The following FAM210A variants were observed in gnomAD, a reference collection of about 807,000 sequenced individuals.
FAM210A encodes the protein mitochondrial inner membrane scaffold 1.
Under a neutral mutation model 25.3 loss-of-function variants are expected in FAM210A, and 13 were observed. The ratio of observed to expected loss-of-function variants is 0.51; its 90% CI spans 0.33 to 0.82. The LOEUF (loss-of-function observed/expected upper bound fraction) is 0.82. Among genes scored for constraint, FAM210A ranks in the 40% least tolerant of loss-of-function variants. FAM210A has a pLI of 0.02. For missense variants in FAM210A, 319 were observed against 323.2 expected (o/e 0.99, Z 0.10); for synonymous variants, 125 against 118.7 (o/e 1.05, Z -0.35).
intron 1 of FAM210A, among the ~76,000 whole-genome samples, chr18:13,697,106 T>C (rs1443888661): frequency 2.0e-5 from 3 of 152,256 alleles, no homozygotes; most frequent in Non-Finnish European, 2.9e-5. Flanking sequence ...CAATAGGCTG[T>C]ACCATCTAGG....
At chr18:13,724,646 C>A (rs2043919583) in intron 1 of FAM210A, among the ~76,000 whole-genome samples, 1 of 152,208 alleles carries the variant, frequency 6.6e-6, no homozygotes, top group Non-Finnish European at 1.5e-5. Context: ...CCCCTCTATT[C>A]TCAAATGAAT....
chr18:13,699,246 C>T (rs1242333234), intron 1 of FAM210A, among the ~76,000 whole-genome samples: 1 of 152,192 alleles, frequency 6.6e-6, no homozygotes, highest in Non-Finnish European at 1.5e-5. Context: ...ACTGATGGCT[C>T]CAATTTAATT....
chr18:13,691,560 A>G (rs1425900244), intron 1 of FAM210A, among the ~76,000 whole-genome samples: 2 of 152,204 alleles, frequency 1.3e-5, no homozygotes, highest in African/African-American at 2.4e-5. Flanking sequence ...CTGATCTCTC[A>G]GCAGAAACTC....
chr18:13,666,312 A>AT lies in FAM210A; in HGVS notation c.*167dup, dbSNP rs2149049614. 8.2e-6 allele frequency: 5 copies of AT among 612,270 alleles called. No homozygotes were observed. The highest frequency in any genetic ancestry group is 2.1e-5 in the South Asian group (1 of 47,834). The allele number at this position is 612,270 out of a possible 1,614,324, so 37.9% of individuals were successfully genotyped here. A position where few individuals can be genotyped will look rare whatever the true frequency, so the allele number is the denominator to read the frequency against. On this transcript the variant is annotated 3_prime_UTR_variant, in exon 4 of 4. Coordinates refer to ENST00000651643, the MANE Select transcript of FAM210A (RefSeq NM_152352.4). ...CATTTCTTCCCTTGTAATAACACTG[A>AT]TTTTTCTAGTGATATTTAACTTTAA...
chr18:13,666,849 G>A, intron 3 of FAM210A, 136 bp from the exon 4 acceptor site: 3 of 708,830 alleles, frequency 4.2e-6, no homozygotes, highest in African/African-American at 3.6e-5. Flanking sequence ...AGCTAATGTA[G>A]TAATATCCTA....
At chr18:13,700,114 C>T (rs1270454750) in intron 1 of FAM210A, among the ~76,000 whole-genome samples, 1 of 152,184 alleles carries the variant, frequency 6.6e-6, no homozygotes, top group East Asian at 1.9e-4. Context: ...ATCCACAGAT[C>T]AAGGGCTCAG....
At chr18:13,701,217 G>A (rs1002497594) in intron 1 of FAM210A, among the ~76,000 whole-genome samples, 6 of 152,280 alleles carry the variant, frequency 3.9e-5, no homozygotes, top group African/African-American at 7.2e-5. Context: ...GGGGATCATG[G>A]TAAGTTCTCT....
chr18:13,708,969 C>A (rs1476168438), intron 1 of FAM210A, among the ~76,000 whole-genome samples: 2 of 152,228 alleles, frequency 1.3e-5, no homozygotes, highest in African/African-American at 4.8e-5. Flanking sequence ...ACAGCCACAT[C>A]TCAATAACTA....
At chr18:13,667,634 G>C (rs143345488) in intron 3 of FAM210A, among the ~76,000 whole-genome samples, 10 of 152,136 alleles carry the variant, frequency 6.6e-5, no homozygotes, top group Admixed American at 6.5e-4. Flanking sequence ...CAGGAGAATC[G>C]CTTGAACCCG....
At chr18:13,671,477 A>C (rs904766685) in intron 3 of FAM210A, among the ~76,000 whole-genome samples, 1 of 152,146 alleles carries the variant, frequency 6.6e-6, no homozygotes, top group African/African-American at 2.4e-5. Flanking sequence ...CAATTATTTG[A>C]CCACAGGAAG....
At chr18:13,714,855 T>G (rs2149069958) in intron 1 of FAM210A, among the ~76,000 whole-genome samples, 1 of 152,314 alleles carries the variant, frequency 6.6e-6, no homozygotes, top group South Asian at 2.1e-4. Flanking sequence ...TTGATTTGGT[T>G]ATTCTCTTAC....
At position 13,664,242 on chromosome 18, in the gene FAM210A, T is replaced by C. The variant is rs529341117; in HGVS notation, c.*2238A>G. On this transcript the variant is annotated 3_prime_UTR_variant, in exon 4 of 4. Transcript: ENST00000651643. ...GACTAACACAACATGATCATGAAAC[T>C]GGATGGCAACAAAACTCAAATGGAC... is the stretch of plus-strand genomic sequence containing the variant. The C allele has an allele frequency of 1.4e-4, 21 of 152,344 alleles. No individual in the cohort carries two copies. The highest frequency in any genetic ancestry group is 4.6e-4 in the African/African-American group (19 of 41,580). 9.4% of individuals were successfully genotyped at this position (152,344 alleles called of 1,614,324 possible). A position where few individuals can be genotyped will look rare whatever the true frequency, so the allele number is the denominator to read the frequency against.
intron 3 of FAM210A, among the ~76,000 whole-genome samples, chr18:13,668,204 A>G (rs2043416156): frequency 6.6e-6 from 1 of 152,242 alleles, no homozygotes; most frequent in Non-Finnish European, 1.5e-5. Context: ...TCAAAGTCAC[A>G]GTGACCTCTA....
chr18:13,683,341 T>A (rs116612491), intron 1 of FAM210A, among the ~76,000 whole-genome samples: 2,620 of 152,212 alleles, frequency 0.017, 74 homozygotes, highest in African/African-American at 0.059. Flanking sequence ...CCCATATCAA[T>A]GGTGGAGAGA....
intron 1 of FAM210A, among the ~76,000 whole-genome samples, chr18:13,689,422 CA>C (rs2043624164): frequency 6.6e-6 from 1 of 152,154 alleles, no homozygotes; most frequent in Non-Finnish European, 1.5e-5. Context: ...AAAAGCCTGA[CA>C]AAATCTAACA....
chr18:13,724,632 C>T (rs1023395050), intron 1 of FAM210A, among the ~76,000 whole-genome samples: 1 of 152,204 alleles, frequency 6.6e-6, no homozygotes, highest in African/African-American at 2.4e-5. Context: ...TTTCAAGAAT[C>T]CTTCCCCTCT....
chr18:13,703,124 A>T (rs1398977960), intron 1 of FAM210A, among the ~76,000 whole-genome samples: 1 of 152,218 alleles, frequency 6.6e-6, no homozygotes, highest in Non-Finnish European at 1.5e-5. Context: ...TTCTTTCAAC[A>T]TCTAAGGCTC....
intron 2 of FAM210A, among the ~76,000 whole-genome samples, chr18:13,674,760 C>T (rs2043476180): frequency 2.7e-5 from 1 of 37,466 alleles, no homozygotes; most frequent in Non-Finnish European, 5.5e-5. Context: ...TCCTGAGCCC[C>T]GACTTTATTT....
rs1329027723 is a variant in FAM210A, at chr18:13,687,208, T to A, written c.-28-5103A>T. Among the ~76,000 whole-genome samples, 4 of 152,150 alleles carry A rather than the reference T, an allele frequency of 2.6e-5. No homozygotes were observed. The East Asian group carries it at 7.7e-4, about 29-fold the overall frequency. ...CCTCTCTTGGCCAAGGGGACCCTGG[T>A]GAAACCTTGGAAGCTGAGTTCAGGT... On this transcript the variant is annotated intron_variant, in intron 1 of 3. Transcript: ENST00000651643.
Sources: gnomAD v4.1 joint callset for allele counts (sites outside exome capture counted in the v4.1 genomes callset) on GRCh38, gnomAD v4.1.1 for gene constraint, MANE v1.5 for transcripts, NCBI Gene and HGNC (gene_info 2026-07-23, HGNC 2026-07-21) for gene names.